The following ZNF280D variants were observed in gnomAD, a reference collection of about 807,000 sequenced individuals.
The protein encoded by ZNF280D is zinc finger protein 280D.
ZNF280D carries 39 observed loss-of-function variants against 94.7 expected under a neutral mutation model. That is an observed-to-expected ratio of 0.41 (90% confidence interval 0.32 to 0.54). The LOEUF (loss-of-function observed/expected upper bound fraction) is 0.54. Among genes scored for constraint, ZNF280D ranks in the 20% least tolerant of loss-of-function variants. The pLI is 0.22. For synonymous variants in ZNF280D, 398 were observed against 377.6 expected (o/e 1.05, Z -0.63); for missense variants, 1,090 against 1,149.3 (o/e 0.95, Z 0.75).
At chr15:56,665,703 C>CAAAA (rs71113013) in intron 16 of ZNF280D, among the ~76,000 whole-genome samples, 2 of 86,422 alleles carry the variant, frequency 2.3e-5, no homozygotes, top group Non-Finnish European at 4.3e-5. Flanking sequence ...GACTCCGTCT[C>CAAAA]AAAAAAAAAA....
At chr15:56,711,773 CAG>C (rs1555424452) in intron 1 of ZNF280D, among the ~76,000 whole-genome samples, 1 of 152,202 alleles carries the variant, frequency 6.6e-6, no homozygotes, top group Admixed American at 6.5e-5. Context: ...CACTTAACAA[CAG>C]GGATAAGTTC....
chr15:56,647,044 G>T (rs2052929889), intron 19 of ZNF280D, among the ~76,000 whole-genome samples: 1 of 152,196 alleles, frequency 6.6e-6, no homozygotes, highest in African/African-American at 2.4e-5. Flanking sequence ...ACATACAAGA[G>T]CCTCTTCAGG....
intron 20 of ZNF280D, among the ~76,000 whole-genome samples, chr15:56,638,222 T>C (rs2052448068): frequency 6.6e-6 from 1 of 152,206 alleles, no homozygotes; most frequent in African/African-American, 2.4e-5. Flanking sequence ...GTGCTTGATA[T>C]TATATAATGA....
chr15:56,639,298 A>G (rs1278051861), intron 20 of ZNF280D, among the ~76,000 whole-genome samples: 1 of 151,780 alleles, frequency 6.6e-6, no homozygotes, highest in Non-Finnish European at 1.5e-5. Context: ...CTAAAAAAAA[A>G]AAAGGAGTTG....
Position 56,689,301 on chromosome 15 carries a change from T to C in ZNF280D, c.669A>G (p.Lys223=). 1.9e-6 allele frequency: 3 copies of C among 1,593,436 alleles called. No homozygotes were observed. Among genetic ancestry groups the C allele is most frequent in the Non-Finnish European group, 2.6e-6 (3 of 1,174,020 alleles). Residue 223 remains lysine, a splice_region_variant and synonymous_variant, in exon 8 of 22, where the codon AAA becomes AAG. Transcript: ENST00000267807. ...SVTSSQAMLA[K]GTNTSSNQSK... ...TTATGTACCACATTTCATATTTACCTTTTGCTAGCATAGCCTGGGAAGAAG... is the reference window on the plus strand; with the variant it reads ...TTATGTACCACATTTCATATTTACCCTTTGCTAGCATAGCCTGGGAAGAAG...
At chr15:56,678,906 T>A in intron 10 of ZNF280D, 85 bp from the exon 11 acceptor site, 1 of 1,285,340 alleles carries the variant, frequency 7.8e-7, no homozygotes, top group Non-Finnish European at 1.0e-6. Flanking sequence ...ACCTAAATCT[T>A]AAAAATATAG....
intron 4 of ZNF280D, among the ~76,000 whole-genome samples, chr15:56,701,452 A>T (rs1440528997): frequency 1.3e-5 from 2 of 152,140 alleles, no homozygotes; most frequent in African/African-American, 4.8e-5. Flanking sequence ...TTACAGACTA[A>T]GAACAATCTT....
intron 1 of ZNF280D, among the ~76,000 whole-genome samples, chr15:56,717,373 A>C (rs2058102104): frequency 6.6e-6 from 1 of 152,118 alleles, no homozygotes; most frequent in African/African-American, 2.4e-5. Context: ...GGAGAAGTAA[A>C]AGCTATTTAT....
intron 10 of ZNF280D, among the ~76,000 whole-genome samples, chr15:56,681,347 C>A (rs1464147546): frequency 6.6e-6 from 1 of 152,118 alleles, no homozygotes; most frequent in Non-Finnish European, 1.5e-5. Context: ...TACACACATG[C>A]ACAAACACAA....
chr15:56,676,101 G>T (rs753760716), intron 13 of ZNF280D, among the ~76,000 whole-genome samples: 1 of 152,042 alleles, frequency 6.6e-6, no homozygotes, highest in Non-Finnish European at 1.5e-5. Context: ...AACAAGTGAT[G>T]ATCTAAATAT....
At chr15:56,707,421 T>C (rs1480435878) in intron 1 of ZNF280D, 115 bp from the exon 2 acceptor site, 3 of 779,152 alleles carry the variant, frequency 3.9e-6, no homozygotes, top group East Asian at 4.6e-5. Context: ...GATATACACA[T>C]ATAGTTCATT....
intron 21 of ZNF280D, among the ~76,000 whole-genome samples, chr15:56,632,848 T>G (rs2052151111): frequency 6.6e-6 from 1 of 151,952 alleles, no homozygotes; most frequent in Non-Finnish European, 1.5e-5. Context: ...TAAAATCAGA[T>G]AAGCATTCAA....
At chr15:56,632,359 T>G (rs2140486448) in intron 21 of ZNF280D, among the ~76,000 whole-genome samples, 1 of 152,258 alleles carries the variant, frequency 6.6e-6, no homozygotes, top group East Asian at 1.9e-4. Context: ...ATCAACTAGT[T>G]TTAGTCCTGG....
At chr15:56,700,773 G>C in intron 6 of ZNF280D, 160 bp downstream of exon 6, 1 of 1,521,686 alleles carries the variant, frequency 6.6e-7, no homozygotes. Flanking sequence ...TTGGGGTACT[G>C]CTTGAGCTAG....
rs768953284 is a variant in ZNF280D at position 56,632,042 on chromosome 15, C to G, written c.2396G>C (p.Ser799Thr). The change falls in exon 22 of 22, where the codon AGT (serine) becomes ACT (threonine). Residue 799 changes from serine to threonine, a missense_variant. Physicochemically the swap from Ser to Thr is moderately conservative, Grantham distance 58. This residue lies in a region of ZNF280D where 577 missense variants were observed against 568.8 expected (regional missense o/e 1.01). Transcript: ENST00000267807. Reference sequence around the variant, plus strand: ...ATCTGAAACTGTTATGCTTTCTTCACTTTTTGTTGTTGATGAGCCTTCAAA... The same window carrying G: ...ATCTGAAACTGTTATGCTTTCTTCAGTTTTTGTTGTTGATGAGCCTTCAAA... The part of the protein sequence containing the change: ...NSFEGSSTTK[S>T]EESITVSDKE... 6.2e-7 allele frequency: 1 copy of G among 1,612,932 alleles called. No homozygotes were observed. Among genetic ancestry groups the G allele is most frequent in the South Asian group, 1.1e-5 (1 of 90,712 alleles).
At chr15:56,657,860 C>T (rs1344360577) in intron 17 of ZNF280D, among the ~76,000 whole-genome samples, 2 of 151,968 alleles carry the variant, frequency 1.3e-5, no homozygotes, top group African/African-American at 4.8e-5. Flanking sequence ...CCAGCAATTC[C>T]AATCATAAGT....
intron 20 of ZNF280D, among the ~76,000 whole-genome samples, chr15:56,640,680 A>T (rs946671012): frequency 6.6e-6 from 1 of 152,214 alleles, no homozygotes; most frequent in African/African-American, 2.4e-5. Context: ...TGACAATCAT[A>T]AAAAAATGTT....
At chr15:56,669,648 A>C (rs1487620536) in intron 13 of ZNF280D, among the ~76,000 whole-genome samples, 1 of 148,688 alleles carries the variant, frequency 6.7e-6, no homozygotes, top group African/African-American at 2.5e-5. Context: ...GTGGATGAAG[A>C]GGCATAAAAC....
At chr15:56,696,181 A>G (rs2141136819) in intron 6 of ZNF280D, among the ~76,000 whole-genome samples, 1 of 152,320 alleles carries the variant, frequency 6.6e-6, no homozygotes, top group Middle Eastern at 3.4e-3. Flanking sequence ...ATCATGCCCT[A>G]TGATTTAACA....
Sources: allele counts gnomAD v4.1 joint callset (sites outside exome capture counted in the v4.1 genomes callset), GRCh38; gene constraint gnomAD v4.1.1; regional missense constraint gnomAD v4.1.1; transcripts MANE v1.5; gene names NCBI Gene and HGNC (gene_info 2026-07-23, HGNC 2026-07-21).